The following UVRAG variants were observed in gnomAD, a reference collection of about 807,000 sequenced individuals.
UVRAG encodes UV radiation resistance-associated gene protein.
UVRAG carries 19 observed loss-of-function variants against 78.0 expected under a neutral mutation model. The ratio of observed to expected loss-of-function variants is 0.24; its 90% CI spans 0.17 to 0.36. UVRAG has a LOEUF of 0.36. Among genes scored for constraint, UVRAG ranks in the 10% least tolerant of loss-of-function variants. UVRAG has a pLI of 1.00. For missense variants in UVRAG, 740 were observed against 853.8 expected (o/e 0.87, Z 1.66); for synonymous variants, 323 against 324.6 (o/e 1.00, Z 0.05).
rs1316924220 is a variant in UVRAG, at chr11:76,133,871, T to C, written c.1398-6840T>C. Among the ~76,000 whole-genome samples the C allele has an allele frequency of 3.3e-5, 5 of 152,070 alleles. No homozygotes were observed. The East Asian group carries it at 9.6e-4, about 29-fold the overall frequency. ...AAAAGAAAAAAACCTAAGATTGTGT[T>C]TCACATTGAACAGATTAAATCTGTT... is the stretch of plus-strand genomic sequence containing the variant. On this transcript the variant is annotated intron_variant, in intron 14 of 14. Transcript: ENST00000356136.
chr11:76,116,042 G>A (rs778608385), intron 14 of UVRAG, 27 bp downstream of exon 14: 2 of 1,599,710 alleles, frequency 1.3e-6, no homozygotes, highest in Admixed American at 3.3e-5. Flanking sequence ...CTGATAACCA[G>A]AAACTGTAAT....
intron 13 of UVRAG, among the ~76,000 whole-genome samples, chr11:76,109,361 A>G (rs760140581): frequency 6.6e-5 from 10 of 152,192 alleles, no homozygotes; most frequent in Non-Finnish European, 1.0e-4. Flanking sequence ...TCTTACTGCT[A>G]ACCAGCAAGA....
intron 8 of UVRAG, among the ~76,000 whole-genome samples, chr11:75,994,647 G>A (rs967199491): frequency 1.3e-5 from 2 of 152,142 alleles, no homozygotes; most frequent in African/African-American, 4.8e-5. Flanking sequence ...TTTCCCAAAT[G>A]AGGAAAATTA....
chr11:75,924,586 C>T (rs1339487774), intron 6 of UVRAG, among the ~76,000 whole-genome samples: 3 of 152,102 alleles, frequency 2.0e-5, no homozygotes, highest in East Asian at 3.9e-4. Flanking sequence ...GAAGGGGTTT[C>T]ACCGTGTTAG....
chr11:76,132,161 C>T (rs547953379), intron 14 of UVRAG, among the ~76,000 whole-genome samples: 82 of 152,236 alleles, frequency 5.4e-4, no homozygotes, highest in African/African-American at 1.9e-3. Context: ...ATGATATTGG[C>T]GCAGACTAGT....
At chr11:76,001,987 A>G (rs1028017498) in intron 8 of UVRAG, among the ~76,000 whole-genome samples, 2 of 152,192 alleles carry the variant, frequency 1.3e-5, no homozygotes, top group African/African-American at 2.4e-5. Context: ...GGAGAAATTT[A>G]TATGAGAAGC....
intron 14 of UVRAG, among the ~76,000 whole-genome samples, chr11:76,139,310 C>A (rs1183896858): frequency 6.6e-6 from 1 of 152,302 alleles, no homozygotes. Flanking sequence ...GATCTCTTTT[C>A]TTTTCTAGGG....
chr11:75,855,720 T>C (rs1946274972), intron 2 of UVRAG, among the ~76,000 whole-genome samples: 1 of 152,190 alleles, frequency 6.6e-6, no homozygotes, highest in Non-Finnish European at 1.5e-5. Context: ...CAGAAGACAG[T>C]TTTTTATTGG....
At chr11:75,832,335 T>G (rs887892494) in intron 1 of UVRAG, among the ~76,000 whole-genome samples, 6 of 152,234 alleles carry the variant, frequency 3.9e-5, no homozygotes, top group African/African-American at 1.2e-4. Context: ...CCTCCTGTAC[T>G]TCTCAGCTAT....
At position 75,879,980 on chromosome 11, in the gene UVRAG, C is replaced by G. The variant is rs780920112; in HGVS notation, c.372C>G (p.Ile124Met). 12 of 1,614,142 alleles carry G rather than the reference C, an allele frequency of 7.4e-6. No individual in the cohort carries two copies. In the South Asian group the frequency reaches 1.2e-4, roughly 16 times the overall value. ...AGATATGGGGTGGAAAGGAGAACATCTACCAGCTGTTGATTGAATGGAAAG... is the reference window on the plus strand; with the variant it reads ...AGATATGGGGTGGAAAGGAGAACATGTACCAGCTGTTGATTGAATGGAAAG... ...VVKIWGGKENIYQLLIEWKVC... is the reference protein window; with the variant it reads ...VVKIWGGKENMYQLLIEWKVC... Residue 124 changes from isoleucine (I) to methionine (M), a missense_variant, in exon 4 of 15, where the codon ATC becomes ATG. Ile to Met is a conservative substitution (Grantham distance 10). Transcript: ENST00000356136.
At chr11:75,902,041 G>T (rs1947515126) in intron 5 of UVRAG, among the ~76,000 whole-genome samples, 1 of 152,196 alleles carries the variant, frequency 6.6e-6, no homozygotes, top group African/African-American at 2.4e-5. Flanking sequence ...TGAGGGCAAG[G>T]ACAGTGTCTG....
intron 13 of UVRAG, among the ~76,000 whole-genome samples, chr11:76,092,068 A>C (rs547699577): frequency 6.6e-6 from 1 of 151,482 alleles, no homozygotes; most frequent in African/African-American, 2.4e-5. Context: ...CCCACCTATG[A>C]GTGAGAACAT....
chr11:75,866,806 T>C (rs1443257580), intron 3 of UVRAG, among the ~76,000 whole-genome samples: 2 of 152,168 alleles, frequency 1.3e-5, no homozygotes, highest in Non-Finnish European at 2.9e-5. Context: ...TGTATCCAAA[T>C]CTAAGTTTCT....
chr11:76,024,384 T>C (rs1370212402), intron 12 of UVRAG, among the ~76,000 whole-genome samples: 3 of 152,134 alleles, frequency 2.0e-5, no homozygotes, highest in Non-Finnish European at 2.9e-5. Flanking sequence ...TGTTATCCCT[T>C]TTTTCCTTGG....
intron 1 of UVRAG, among the ~76,000 whole-genome samples, chr11:75,831,709 A>T (rs1945662538): frequency 1.3e-5 from 2 of 152,168 alleles, no homozygotes; most frequent in South Asian, 4.1e-4. Flanking sequence ...TTAGAGGAGG[A>T]CGGTGGAAAC....
intron 3 of UVRAG, among the ~76,000 whole-genome samples, chr11:75,874,468 G>T (rs368052207): frequency 6.6e-6 from 1 of 152,248 alleles, no homozygotes; most frequent in Non-Finnish European, 1.5e-5. Flanking sequence ...CTTTTTGGTT[G>T]TATATACAAT....
At chr11:75,846,256 C>A (rs7122386) in intron 1 of UVRAG, among the ~76,000 whole-genome samples, 11,465 of 152,180 alleles carry the variant, frequency 0.075, 1,414 homozygotes, top group African/African-American at 0.26. Context: ...AGACTTACCG[C>A]GTTTCAGTCA....
At chr11:75,827,094 C>T (rs968971149) in intron 1 of UVRAG, among the ~76,000 whole-genome samples, 12 of 151,940 alleles carry the variant, frequency 7.9e-5, no homozygotes, top group Non-Finnish European at 1.6e-4. Context: ...CAACCTTTGG[C>T]TTTTGTCAGT....
intron 7 of UVRAG, among the ~76,000 whole-genome samples, chr11:75,976,318 C>T (rs1378235569): frequency 1.3e-5 from 2 of 152,162 alleles, no homozygotes; most frequent in African/African-American, 4.8e-5. Flanking sequence ...GGATATTGAT[C>T]TAAAATTCTC....
Sources: allele counts gnomAD v4.1 joint callset (sites outside exome capture counted in the v4.1 genomes callset), GRCh38; gene constraint gnomAD v4.1.1; transcripts MANE v1.5; gene names NCBI Gene and HGNC (gene_info 2026-07-23, HGNC 2026-07-21).